Variants in FAXDC2 observed in about 807,000 individuals in gnomAD.
FAXDC2 encodes fatty acid hydroxylase domain containing 2, also known as fatty acid hydroxylase domain-containing protein 2.
Under a neutral mutation model 40.9 loss-of-function variants are expected in FAXDC2, and 41 were observed. The ratio of observed to expected loss-of-function variants is 1.00; its 90% confidence interval spans 0.78 to 1.30. FAXDC2 has a LOEUF of 1.30. FAXDC2 is among the 50% of genes most tolerant of loss of function. The probability of loss-of-function intolerance (pLI) is 0.00; values close to 1 mark genes in which losing one functional copy is unlikely to be tolerated. For synonymous variants in FAXDC2, 157 were observed against 149.3 expected, an observed-to-expected ratio of 1.05 and a Z score of -0.38; for missense variants, 390 against 408.8, an observed-to-expected ratio of 0.95 and a Z score of 0.40.
At chr5:154,830,034 G>A (rs907301173) in intron 5 of FAXDC2, among the ~76,000 whole-genome samples, 3 of 152,206 alleles carry the variant, frequency 2.0e-5, no homozygotes, top group African/African-American at 7.2e-5. Flanking sequence ...TGGGGCAAAA[G>A]GACCTGAGAG....
At chr5:154,823,650 T>A in intron 5 of FAXDC2, 58 bp from the exon 6 acceptor site, 1 of 1,424,820 alleles carries the variant, frequency 7.0e-7, no homozygotes, top group Non-Finnish European at 9.9e-7. Flanking sequence ...GGCTCCACCG[T>A]GACCTGCTTA....
rs752166105 is a variant in FAXDC2, at chr5:154,820,502, C to G, written c.846-30G>C. 1.9e-6 allele frequency: 3 copies of G among 1,580,530 alleles called. No homozygotes were observed. In the Admixed American group the frequency reaches 5.3e-5, roughly 28 times the overall value. On this transcript the variant is annotated intron_variant, in intron 8 of 8. Transcript: ENST00000326080. ...AAGAGAGAGGACGGCACTGCAGTGCCCATGCTGGAGGCTTCCGTGCAGATC... is the reference window on the plus strand; with the variant it reads ...AAGAGAGAGGACGGCACTGCAGTGCGCATGCTGGAGGCTTCCGTGCAGATC...
At chr5:154,846,468 A>G (rs1561662476) in intron 1 of FAXDC2, among the ~76,000 whole-genome samples, 1 of 152,346 alleles carries the variant, frequency 6.6e-6, no homozygotes, top group East Asian at 1.9e-4. Context: ...GTAGGAGGAT[A>G]ATAGCATACT....
In FAXDC2 at chr5:154,820,027, C is replaced by A. The variant is rs1759839527; in HGVS notation, c.*289G>T. On this transcript the variant is annotated 3_prime_UTR_variant, in exon 9 of 9. Transcript: ENST00000326080. ...ATCTGGGGCTGAACCCCTCTCCTTC[C>A]ACAGCAGAGGACCAGGGGTCTCCTC... 7.3e-6 allele frequency: 2 copies of A among 275,244 alleles called. No homozygotes were observed. The highest frequency in any genetic ancestry group is 1.3e-4 in the South Asian group (2 of 15,234). 17.1% of individuals were successfully genotyped at this position (275,244 alleles called of 1,614,324 possible). A position where few individuals can be genotyped will look rare whatever the true frequency, so the allele number is the denominator to read the frequency against.
chr5:154,820,681 G>A (rs2113116364), intron 8 of FAXDC2: 2 of 464,496 alleles, frequency 4.3e-6, no homozygotes, highest in Non-Finnish European at 7.8e-6. Context: ...CGTATCTGGA[G>A]TCCTCCTTTG....
chr5:154,844,382 CAAAA>C (rs1227960252), intron 1 of FAXDC2, among the ~76,000 whole-genome samples: 5 of 90,130 alleles, frequency 5.5e-5, no homozygotes, highest in Admixed American at 2.5e-4. Context: ...ACCCTGCCTC[CAAAA>C]AAAAAAAAAA....
At chr5:154,843,706 G>C (rs1760533187) in intron 1 of FAXDC2, among the ~76,000 whole-genome samples, 1 of 152,128 alleles carries the variant, frequency 6.6e-6, no homozygotes, top group African/African-American at 2.4e-5. Context: ...AGATAGAAGA[G>C]AAAAAAATAT....
At chr5:154,830,073 A>G (rs1050158118) in intron 5 of FAXDC2, among the ~76,000 whole-genome samples, 8 of 152,240 alleles carry the variant, frequency 5.3e-5, no homozygotes, top group Non-Finnish European at 1.2e-4. Flanking sequence ...ACACCTGGGC[A>G]GATGACTAAA....
Position 154,821,368 on chromosome 5 carries a change from G to C in FAXDC2, c.737C>G (p.Ser246Cys). Residue 246 changes from serine to cysteine, a missense_variant, in exon 8 of 9, where the codon TCC becomes TGC. Transcript: ENST00000326080. Reference sequence around the variant, plus strand: ...GGCCAAGGAAAACCACATGGTGATGGAGGACAAGTGGGAGCCCATTACTAA... The same window carrying C: ...GGCCAAGGAAAACCACATGGTGATGCAGGACAAGTGGGAGCCCATTACTAA... ...GPLVMGSHLSSITMWFSLALI... is the reference protein window; with the variant it reads ...GPLVMGSHLSCITMWFSLALI... The C allele has an allele frequency of 6.2e-7, 1 of 1,612,096 alleles. No individual in the cohort carries two copies. The highest frequency in any genetic ancestry group is 8.5e-7 in the Non-Finnish European group (1 of 1,179,280).
chr5:154,820,472 C>T lies in FAXDC2; in HGVS notation c.846G>A (p.Lys282=). Residue 282 remains lysine (K), a splice_region_variant and synonymous_variant, in exon 9 of 9, where the codon AAG becomes AAA. Coordinates refer to ENST00000326080, the MANE Select transcript of FAXDC2 (RefSeq NM_032385.5). The part of the protein sequence containing the change: ...SPEFHDYHHL[K]FNQCYGVLGV... ...CCAGCACCCCATAGCACTGGTTGAACCTAGAAGAGAGAGGACGGCACTGCA... is the reference window on the plus strand; with the variant it reads ...CCAGCACCCCATAGCACTGGTTGAATCTAGAAGAGAGAGGACGGCACTGCA... 1 of 1,607,792 alleles carries T rather than the reference C, an allele frequency of 6.2e-7. No individual in the cohort carries two copies. Among genetic ancestry groups the T allele is most frequent in the Non-Finnish European group, 8.5e-7 (1 of 1,176,884 alleles).
intron 5 of FAXDC2, among the ~76,000 whole-genome samples, chr5:154,826,527 TAAAAAAAAAAAAAA>T (rs764669604): frequency 9.8e-6 from 1 of 101,524 alleles, no homozygotes; most frequent in Non-Finnish European, 2.1e-5. Flanking sequence ...AGACTGTCTC[TAAAAAAAAAAAAAA>T]AAAAAGAAAA....
chr5:154,848,119 G>A (rs757391777), intron 1 of FAXDC2, among the ~76,000 whole-genome samples: 14 of 152,242 alleles, frequency 9.2e-5, no homozygotes, highest in East Asian at 3.9e-4. Flanking sequence ...GATTACAGGC[G>A]TGAGCCACCA....
intron 4 of FAXDC2, among the ~76,000 whole-genome samples, chr5:154,832,453 G>C (rs994307899): frequency 6.6e-6 from 1 of 151,998 alleles, no homozygotes; most frequent in Non-Finnish European, 1.5e-5. Flanking sequence ...CGCCTGCCTC[G>C]GCCTCCCAAA....
chr5:154,850,036 T>A (rs77977226), intron 1 of FAXDC2, among the ~76,000 whole-genome samples: 12,701 of 152,298 alleles, frequency 0.083, 583 homozygotes, highest in Admixed American at 0.15. Context: ...CATACCTTCC[T>A]GGTGATGGCA....
rs1413520627 is a variant in FAXDC2, at chr5:154,820,418, G to A, written c.900C>T (p.Asp300=). 1 of 1,613,010 alleles carries A rather than the reference G, an allele frequency of 6.2e-7. No homozygotes were observed. Among genetic ancestry groups the A allele is most frequent in the Admixed American group, 1.7e-5 (1 of 59,962 alleles). Reference sequence around the variant, plus strand: ...AGGCCTTGGTCTGCTTGAACATGGTGTCAGTCCCATGGAGGTGGTCCAGCA... The same window carrying A: ...AGGCCTTGGTCTGCTTGAACATGGTATCAGTCCCATGGAGGTGGTCCAGCA... ...LGVLDHLHGT[D]TMFKQTKAYE... is the part of the protein sequence containing the mutation. Residue 300 remains aspartate (D), a synonymous_variant, in exon 9 of 9, where the codon GAC becomes GAT. Transcript: ENST00000326080.
chr5:154,837,019 T>G (rs1269025391), intron 2 of FAXDC2, among the ~76,000 whole-genome samples: 1 of 152,102 alleles, frequency 6.6e-6, no homozygotes, highest in African/African-American at 2.4e-5. Context: ...TGAGGAAACA[T>G]TGTTTTAATT....
intron 1 of FAXDC2, among the ~76,000 whole-genome samples, chr5:154,842,146 T>C (rs1760489292): frequency 6.6e-6 from 1 of 152,110 alleles, no homozygotes; most frequent in Non-Finnish European, 1.5e-5. Flanking sequence ...GCTAAACCTA[T>C]CAAATGTTTC....
intron 4 of FAXDC2, among the ~76,000 whole-genome samples, chr5:154,831,918 A>G (rs1208674739): frequency 1.3e-5 from 2 of 152,222 alleles, no homozygotes; most frequent in African/African-American, 4.8e-5. Flanking sequence ...TTAGTAGGGA[A>G]GGGACTAAAC....
chr5:154,831,815 A>C lies in FAXDC2; in HGVS notation c.245-893T>G, dbSNP rs1432795361. On this transcript the variant is annotated intron_variant, in intron 4 of 8. Coordinates refer to ENST00000326080, the MANE Select transcript of FAXDC2 (RefSeq NM_032385.5). ...TGAGAGAGTCAGAGAGCCAAGACAG[A>C]AAGGGAGAAAGAAGAAAAGGACACA... is the stretch of plus-strand genomic sequence containing the variant. Among the ~76,000 whole-genome samples, 3 of 152,136 alleles carry C rather than the reference A, an allele frequency of 2.0e-5. No individual in the cohort carries two copies. The East Asian group carries it at 5.8e-4, about 29-fold the overall frequency.
Sources: allele counts gnomAD v4.1 joint callset (sites outside exome capture counted in the v4.1 genomes callset), GRCh38; gene constraint gnomAD v4.1.1; transcripts MANE v1.5; gene names NCBI Gene and HGNC (gene_info 2026-07-23, HGNC 2026-07-21).